TPRX1: variants seen among roughly 807,000 people sequenced by gnomAD.
The protein encoded by TPRX1 is tetrapeptide repeat homeobox 1, also known as tetra-peptide repeat homeobox protein 1.
Under a neutral mutation model 8.1 loss-of-function variants are expected in TPRX1, and 2 were observed. That is an observed-to-expected ratio of 0.25 (90% CI 0.10 to 0.78). The LOEUF is 0.78. Ranked by LOEUF, TPRX1 falls within the 30% of genes least tolerant of loss-of-function variation. TPRX1 has a pLI of 0.70. For synonymous variants in TPRX1, 257 were observed against 254.1 expected (o/e 1.01, Z -0.11); for missense variants, 517 against 586.9 (o/e 0.88, Z 1.23).
intron 2 of TPRX1, among the ~76,000 whole-genome samples, chr19:47,813,599 C>G (rs1424824313): frequency 1.3e-5 from 2 of 152,254 alleles, no homozygotes; most frequent in East Asian, 3.9e-4. Flanking sequence ...GGCATTCCCC[C>G]ACCCTGCCCC....
rs112798258 is a variant in TPRX1, at chr19:47,816,077, A to T, written c.151+2391T>A. Among the ~76,000 whole-genome samples the T allele has an allele frequency of 2.3e-3, 354 of 151,748 alleles. 3 individuals carry two copies. Among genetic ancestry groups the T allele is most frequent in the African/African-American group, 8.0e-3 (331 of 41,386 alleles). On this transcript the variant is annotated intron_variant, in intron 2 of 3. Transcript: ENST00000535759. ...TTTATTTATTTATATTTATATATAT[A>T]TTTTTGAGACAGGATCTTGCTCTGT...
At chr19:47,816,707 ATT>A (rs374042470) in intron 2 of TPRX1, among the ~76,000 whole-genome samples, 53 of 149,558 alleles carry the variant, frequency 3.5e-4, no homozygotes, top group Non-Finnish European at 6.4e-4. Flanking sequence ...TATTTTTTGT[ATT>A]TTTTAGTAGA....
intron 2 of TPRX1, among the ~76,000 whole-genome samples, chr19:47,809,104 G>A (rs1599953667): frequency 6.6e-6 from 1 of 152,010 alleles, no homozygotes; most frequent in South Asian, 2.1e-4. Flanking sequence ...AAATCCCCAT[G>A]TCTGTAATAG....
intron 2 of TPRX1, among the ~76,000 whole-genome samples, chr19:47,805,001 C>T (rs1367278969): frequency 7.9e-5 from 12 of 152,224 alleles, no homozygotes; most frequent in Non-Finnish European, 5.9e-5. Context: ...CCTTGTCCAG[C>T]CACTATCCCT....
chr19:47,804,078 G>C (rs908013493), intron 2 of TPRX1, among the ~76,000 whole-genome samples: 3 of 150,016 alleles, frequency 2.0e-5, no homozygotes, highest in Admixed American at 6.7e-5. Context: ...TTTTCTTGGA[G>C]GGGATCTCGC....
At chr19:47,818,964 A>G (rs1056494000) in intron 1 of TPRX1, 28 of 253,822 alleles carry the variant, frequency 1.1e-4, no homozygotes, top group Admixed American at 5.9e-4. Context: ...TCATTGTTCA[A>G]TTCTCACCTA....
chr19:47,802,197 G>C (rs534652658), exon 4 of TPRX1: 1 of 1,611,974 alleles, frequency 6.2e-7, no homozygotes, highest in Non-Finnish European at 8.5e-7. Flanking sequence ...ATCTGGGCTG[G>C]GCTGGGAATC....
At chr19:47,802,367 A>G (rs759087943) in exon 4 of TPRX1, 1 of 1,258,948 alleles carries the variant, frequency 7.9e-7, no homozygotes, top group Non-Finnish European at 1.1e-6. Flanking sequence ...TGGGCCTGAG[A>G]TTGGGCCTGA....
intron 2 of TPRX1, among the ~76,000 whole-genome samples, chr19:47,807,863 G>T (rs972974163): frequency 2.6e-5 from 4 of 151,244 alleles, no homozygotes; most frequent in African/African-American, 9.8e-5. Context: ...AAATATTTTT[G>T]GAGGTTTTTT....
chr19:47,807,709 C>T (rs530212808), intron 2 of TPRX1, among the ~76,000 whole-genome samples: 30 of 152,174 alleles, frequency 2.0e-4, no homozygotes, highest in Admixed American at 1.5e-3. Flanking sequence ...TTTTATATTA[C>T]GTGGATGACA....
At chr19:47,810,445 T>G (rs1418063254) in intron 2 of TPRX1, among the ~76,000 whole-genome samples, 2 of 143,082 alleles carry the variant, frequency 1.4e-5, no homozygotes, top group Non-Finnish European at 3.0e-5. Context: ...GCCTCTCAGG[T>G]TCAAACCCTT....
intron 2 of TPRX1, among the ~76,000 whole-genome samples, chr19:47,814,396 C>A (rs968579808): frequency 6.6e-6 from 1 of 152,080 alleles, no homozygotes; most frequent in South Asian, 2.1e-4. Context: ...CTGTGGCTCA[C>A]GCCTGTAATC....
chr19:47,814,873 C>T (rs1599956756), intron 2 of TPRX1, among the ~76,000 whole-genome samples: 1 of 151,866 alleles, frequency 6.6e-6, no homozygotes, highest in Non-Finnish European at 1.5e-5. Context: ...GATCTTGGCT[C>T]ACTGCAACCT....
At chr19:47,809,197 G>T (rs1265966635) in intron 2 of TPRX1, among the ~76,000 whole-genome samples, 1 of 152,098 alleles carries the variant, frequency 6.6e-6, no homozygotes, top group Non-Finnish European at 1.5e-5. Flanking sequence ...CAGGCACATT[G>T]TTTATTTTGA....
chr19:47,813,536 T>G (rs1470935562), intron 2 of TPRX1, among the ~76,000 whole-genome samples: 2 of 152,078 alleles, frequency 1.3e-5, no homozygotes, highest in Non-Finnish European at 2.9e-5. Flanking sequence ...GAAGACACTT[T>G]CCAGGCGCGG....
At chr19:47,801,487 C>T (rs531598532) in exon 4 of TPRX1, 1 of 328,242 alleles carries the variant, frequency 3.0e-6, no homozygotes, top group Non-Finnish European at 5.5e-6. Context: ...CCATCAGAAG[C>T]CCTGGGAAAA....
In TPRX1 at chr19:47,804,027, G is replaced by C. The variant is rs1233740738; in HGVS notation, c.152-354C>G. Among the ~76,000 whole-genome samples, 4 of 150,700 alleles carry C rather than the reference G, an allele frequency of 2.7e-5. No individual in the cohort carries two copies. The East Asian group carries it at 7.9e-4, about 30-fold the overall frequency. On this transcript the variant is annotated intron_variant, in intron 2 of 3. Coordinates refer to ENST00000535759, the Ensembl canonical transcript of TPRX1. ...GGAGCCGCCACCTGCCCAGTCCTCT[G>C]CTCCACTCAACTGCATGGTTTAATT...
intron 2 of TPRX1, among the ~76,000 whole-genome samples, chr19:47,806,961 G>A: frequency 6.6e-6 from 1 of 152,100 alleles, no homozygotes. Flanking sequence ...GAGTGCAGTA[G>A]TGGTGTGATC....
intron 2 of TPRX1, among the ~76,000 whole-genome samples, chr19:47,814,504 A>G (rs1967813682): frequency 6.6e-6 from 1 of 152,316 alleles, no homozygotes; most frequent in South Asian, 2.1e-4. Flanking sequence ...AAAAATAAGA[A>G]TAAAGTTTAT....
Sources: allele counts gnomAD v4.1 joint callset (sites outside exome capture counted in the v4.1 genomes callset), GRCh38; gene constraint gnomAD v4.1.1; transcripts MANE v1.5; gene names NCBI Gene and HGNC (gene_info 2026-07-23, HGNC 2026-07-21).